DDX60L: variants seen among roughly 807,000 people sequenced by gnomAD.
The protein encoded by DDX60L is DExD/H-box 60 like.
DDX60L carries 191 observed loss-of-function variants against 211.6 expected under a neutral mutation model. That is an observed-to-expected ratio of 0.90 (90% confidence interval 0.80 to 1.02). The LOEUF (loss-of-function observed/expected upper bound fraction) is 1.02. DDX60L is among the 50% of genes least tolerant of loss of function. The pLI, the probability that DDX60L is intolerant of heterozygous loss-of-function variation, is 0.00. For missense variants in DDX60L, 2,007 were observed against 1,984.1 expected (o/e 1.01, Z -0.22); for synonymous variants, 706 against 694.1 (o/e 1.02, Z -0.27).
chr4:168,449,651 G>GGAAAAAAAAAAAAAAAAAAAAAAAAAAAT (rs1561098576), intron 8 of DDX60L, among the ~76,000 whole-genome samples: 1 of 7,516 alleles, frequency 1.3e-4, no homozygotes, highest in African/African-American at 9.0e-4. Context: ...AAAAAAAAAT[G>GGAAAAAAAAAAAAAAAAAAAAAAAAAAAT]CAAAAAAAAA....
Position 168,375,057 on chromosome 4 carries a change from A to T in DDX60L, c.4633+320T>A, listed in dbSNP as rs372330734. 6.2e-4 allele frequency among the ~76,000 whole-genome samples: 95 copies of T among 152,272 alleles called. No individual in the cohort carries two copies. In the Middle Eastern group the frequency reaches 0.01, roughly 16 times the overall value. The stretch of plus-strand genomic sequence containing the variant: ...TATGCCGTTTTCTTTTTCATCTGTC[A>T]CTTTTTCTGATCCAGTTTTCCAACC... On this transcript the variant is annotated intron_variant, in intron 34 of 37. Coordinates refer to ENST00000682922, the MANE Select transcript of DDX60L (RefSeq NM_001012967.3).
In DDX60L at chr4:168,356,964, CT is replaced by C. The variant is rs1485307131; in HGVS notation, c.*1182del. On this transcript the variant is annotated 3_prime_UTR_variant, in exon 38 of 38. Coordinates refer to ENST00000682922, the MANE Select transcript of DDX60L (RefSeq NM_001012967.3). ...TTGCAGTTTAAGCTCATTTGAGAAACTTTTTTCTCCTTCAGAGTACCGTATT... is the reference window on the plus strand; with the variant it reads ...TTGCAGTTTAAGCTCATTTGAGAAACTTTTTCTCCTTCAGAGTACCGTATT... The C allele has an allele frequency of 6.6e-6, 1 of 152,118 alleles. No homozygotes were observed. The highest frequency in any genetic ancestry group is 1.5e-5 in the Non-Finnish European group (1 of 68,010). 9.4% of individuals were successfully genotyped at this position (152,118 alleles called of 1,614,324 possible). A position where few individuals can be genotyped will look rare whatever the true frequency, so the allele number is the denominator to read the frequency against.
At chr4:168,441,301 A>G in intron 10 of DDX60L, 36 bp downstream of exon 10, 1 of 1,540,746 alleles carries the variant, frequency 6.5e-7, no homozygotes, top group Non-Finnish European at 8.8e-7. Context: ...CAGGACAAAC[A>G]TGCTTTTGTT....
intron 1 of DDX60L, among the ~76,000 whole-genome samples, chr4:168,479,226 A>C (rs1347754839): frequency 6.6e-6 from 1 of 152,160 alleles, no homozygotes; most frequent in African/African-American, 2.4e-5. Context: ...AAGGATTCAC[A>C]CTAAACTATC....
intron 28 of DDX60L, among the ~76,000 whole-genome samples, chr4:168,392,952 C>G (rs1745107720): frequency 6.6e-6 from 1 of 151,982 alleles, no homozygotes. Flanking sequence ...CATTTACTCA[C>G]TCATTAACTT....
chr4:168,460,751 G>A (rs962444347), intron 5 of DDX60L, among the ~76,000 whole-genome samples: 4 of 152,168 alleles, frequency 2.6e-5, no homozygotes, highest in African/African-American at 9.7e-5. Context: ...CACAGGGTAA[G>A]GACTCAGTCC....
chr4:168,367,944 T>C (rs1476149048), intron 36 of DDX60L, among the ~76,000 whole-genome samples: 1 of 152,152 alleles, frequency 6.6e-6, no homozygotes, highest in Non-Finnish European at 1.5e-5. Context: ...AGAGGTGACT[T>C]GGGTACTGTT....
chr4:168,371,394 G>A (rs1414534822), intron 36 of DDX60L, among the ~76,000 whole-genome samples: 6 of 146,956 alleles, frequency 4.1e-5, no homozygotes, highest in East Asian at 2.0e-4. Flanking sequence ...AGTCTTCTAC[G>A]AAGTGATCTA....
chr4:168,395,993 G>C lies in DDX60L; in HGVS notation c.3623C>G (p.Ala1208Gly). 1 of 1,608,264 alleles carries C rather than the reference G, an allele frequency of 6.2e-7. No individual in the cohort carries two copies. Among genetic ancestry groups the C allele is most frequent in the Non-Finnish European group, 8.5e-7 (1 of 1,177,360 alleles). The stretch of plus-strand genomic sequence containing the variant: ...ATTCCTGGTAATTTCAGTGTGTAGG[G>C]CTTTGACATCAGCATACGTGCAGTC... ...SEDCTYADVK[A>G]LHTEITRNKD... The change falls in exon 27 of 38, where the codon GCC becomes GGC. Residue 1208 changes from alanine (A) to glycine (G), a missense_variant. Transcript: ENST00000682922.
intron 34 of DDX60L, 116 bp from the exon 35 acceptor site, chr4:168,373,924 A>G: frequency 9.9e-7 from 1 of 1,005,894 alleles, no homozygotes; most frequent in Non-Finnish European, 1.5e-6. Flanking sequence ...CAGAATGAAA[A>G]CTGATTGAGA....
intron 13 of DDX60L, 22 bp from the exon 14 acceptor site, chr4:168,427,344 A>T: frequency 5.0e-6 from 8 of 1,595,610 alleles, no homozygotes; most frequent in Non-Finnish European, 6.0e-6. Flanking sequence ...TAAAAGGAAC[A>T]TATGAAACAA....
chr4:168,382,334 T>C (rs1208203136), intron 30 of DDX60L, among the ~76,000 whole-genome samples: 2 of 152,124 alleles, frequency 1.3e-5, no homozygotes, highest in Non-Finnish European at 2.9e-5. Context: ...TATACCAAAA[T>C]AATAAAGCAG....
At chr4:168,363,144 G>T (rs1235717271) in intron 36 of DDX60L, among the ~76,000 whole-genome samples, 2 of 151,970 alleles carry the variant, frequency 1.3e-5, no homozygotes, top group African/African-American at 2.4e-5. Context: ...AGGAAAGAAT[G>T]GAATGATATA....
chr4:168,460,559 G>A (rs1757185163), intron 5 of DDX60L, among the ~76,000 whole-genome samples: 1 of 151,978 alleles, frequency 6.6e-6, no homozygotes, highest in Non-Finnish European at 1.5e-5. Context: ...TACTCCTTTG[G>A]GGAAATCCAC....
intron 24 of DDX60L, 28 bp from the exon 25 acceptor site, chr4:168,404,134 A>T: frequency 8.0e-7 from 1 of 1,250,234 alleles, no homozygotes; most frequent in South Asian, 2.2e-5. Context: ...AATTATTTAA[A>T]AAAAAAAAAA....
At chr4:168,414,750 C>T (rs1308733353) in intron 22 of DDX60L, among the ~76,000 whole-genome samples, 1 of 151,874 alleles carries the variant, frequency 6.6e-6, no homozygotes, top group Non-Finnish European at 1.5e-5. Flanking sequence ...GTGAAATAAG[C>T]CAGGCACAGA....
Position 168,441,328 on chromosome 4 carries a change from A to G in DDX60L, c.1294+9T>C. 2 of 1,597,616 alleles carry G rather than the reference A, an allele frequency of 1.3e-6. No homozygotes were observed. Among genetic ancestry groups the G allele is most frequent in the Non-Finnish European group, 8.5e-7 (1 of 1,172,082 alleles). Reference sequence around the variant, plus strand: ...GCTTTTGTTCCACTTTAATTTACCCATTTAGTACCTTGAATGACCGATTTC... The same window carrying G: ...GCTTTTGTTCCACTTTAATTTACCCGTTTAGTACCTTGAATGACCGATTTC... On this transcript the variant is annotated intron_variant, in intron 10 of 37. Coordinates refer to ENST00000682922, the MANE Select transcript of DDX60L (RefSeq NM_001012967.3).
intron 22 of DDX60L, among the ~76,000 whole-genome samples, chr4:168,414,519 A>G (rs1749208857): frequency 1.3e-5 from 2 of 152,150 alleles, no homozygotes; most frequent in Admixed American, 1.3e-4. Context: ...TATACTTAAA[A>G]AAAAGGAAAT....
intron 11 of DDX60L, 63 bp downstream of exon 11, chr4:168,432,947 C>G: frequency 2.0e-5 from 19 of 935,506 alleles, no homozygotes; most frequent in Non-Finnish European, 2.8e-5. Flanking sequence ...TTTGATGAGT[C>G]ATTCACTTCA....
Sources: allele counts gnomAD v4.1 joint callset (sites outside exome capture counted in the v4.1 genomes callset), GRCh38; gene constraint gnomAD v4.1.1; transcripts MANE v1.5; gene names NCBI Gene and HGNC (gene_info 2026-07-23, HGNC 2026-07-21).